PRTG: variants seen among roughly 807,000 people sequenced by gnomAD.
The protein encoded by PRTG is immunoglobulin superfamily, DCC subclass, member 5.
A neutral mutation model predicts 122.5 loss-of-function variants in PRTG; 67 were observed. The observed-to-expected ratio is 0.55, with a 90% CI of 0.45 to 0.67. The LOEUF is 0.67. Ranked by LOEUF, PRTG falls within the 30% of genes least tolerant of loss-of-function variation. The pLI is 0.00. For missense variants in PRTG, 1,435 were observed against 1,415.4 expected (o/e 1.01, Z -0.22); for synonymous variants, 554 against 501.1 (o/e 1.11, Z -1.41).
chr15:55,637,053 T>A (rs1195562455), intron 15 of PRTG, 117 bp downstream of exon 15: 1 of 904,804 alleles, frequency 1.1e-6, no homozygotes, highest in African/African-American at 1.7e-5. Flanking sequence ...CAAAATCTTT[T>A]ATTACTTCAT....
chr15:55,650,844 A>G (rs1191848077), intron 11 of PRTG, among the ~76,000 whole-genome samples: 2 of 152,084 alleles, frequency 1.3e-5, no homozygotes, highest in African/African-American at 4.8e-5. Flanking sequence ...GTGCATTCCT[A>G]TAGTCCCAGC....
At position 55,688,915 on chromosome 15, in the gene PRTG, T is replaced by C. The variant is rs2059585346; in HGVS notation, c.398-4984A>G. 2.0e-5 allele frequency among the ~76,000 whole-genome samples: 3 copies of C among 152,214 alleles called. No individual in the cohort carries two copies. In the South Asian group the frequency reaches 6.2e-4, roughly 32 times the overall value. On this transcript the variant is annotated intron_variant, in intron 2 of 19. Transcript: ENST00000389286. ...TGATCTTCTTTCTTCCAAAGCTGTA[T>C]CTCTGCTTCATCTTTGTCACACCAC... is the stretch of plus-strand genomic sequence containing the variant.
rs199771190 is a variant in PRTG at position 55,735,810 on chromosome 15, TCTAGGGCAAAGTGAGAAAAA to T, written c.397+4552_397+4571del. Among the ~76,000 whole-genome samples, 62 of 150,150 alleles carry T rather than the reference TCTAGGGCAAAGTGAGAAAAA, an allele frequency of 4.1e-4. 1 individual carries two copies. In the East Asian group the frequency reaches 9.2e-3, roughly 22 times the overall value. On this transcript the variant is annotated intron_variant, in intron 2 of 19. Coordinates refer to ENST00000389286, the MANE Select transcript of PRTG (RefSeq NM_173814.6). ...GAAAATGAGAAATGATCCTCACTAA[TCTAGGGCAAAGTGAGAAAAA>T]CTGGTTCCATTACCCAGAGATTATC...
rs1299546778 is a variant in PRTG, at chr15:55,620,020, TG to T, written c.3444del (p.Asn1149ThrfsTer53). On this transcript the variant is annotated frameshift_variant, in exon 20 of 20. Coordinates refer to ENST00000389286, the MANE Select transcript of PRTG (RefSeq NM_173814.6). LOFTEE classifies it high-confidence loss of function. ...CACTGCCAGTGAAAGAATCAGAGGT[TG>T]GGGGGTGTGGTACTTATAACTGAGG... ...HLSSVISTTP[P>X]NL The T allele has an allele frequency of 2.7e-5, 43 of 1,613,908 alleles. No individual in the cohort carries two copies. The Admixed American group carries it at 7.0e-4, about 26-fold the overall frequency.
chr15:55,676,013 A>G (rs963448351), intron 8 of PRTG, among the ~76,000 whole-genome samples: 3 of 152,208 alleles, frequency 2.0e-5, no homozygotes, highest in African/African-American at 4.8e-5. Context: ...ATTGTAATTC[A>G]TAACAGTGTA....
intron 2 of PRTG, among the ~76,000 whole-genome samples, chr15:55,705,799 C>T (rs1463956342): frequency 2.0e-5 from 3 of 151,882 alleles, no homozygotes; most frequent in African/African-American, 7.3e-5. Flanking sequence ...CAACATTCCA[C>T]ACCACTCTCC....
intron 17 of PRTG, among the ~76,000 whole-genome samples, chr15:55,626,338 G>C (rs2059194545): frequency 6.6e-6 from 1 of 151,918 alleles, no homozygotes. Flanking sequence ...GAACCCAAAA[G>C]GTGAAGGTTG....
chr15:55,629,039 T>A (rs753412984), intron 15 of PRTG, 35 bp from the exon 16 acceptor site: 89 of 1,431,932 alleles, frequency 6.2e-5, no homozygotes, highest in Non-Finnish European at 8.3e-5. Flanking sequence ...AAGTGAACAT[T>A]TATCTTTTAT....
intron 2 of PRTG, among the ~76,000 whole-genome samples, chr15:55,684,561 A>C (rs1336433771): frequency 1.3e-5 from 2 of 152,224 alleles, no homozygotes; most frequent in African/African-American, 4.8e-5. Flanking sequence ...AAATTAAGGC[A>C]TCAATTAAGA....
intron 15 of PRTG, among the ~76,000 whole-genome samples, chr15:55,632,370 C>G (rs1595605943): frequency 6.6e-6 from 1 of 152,154 alleles, no homozygotes; most frequent in East Asian, 1.9e-4. Context: ...ACATGGACAC[C>G]TGCCTATGAA....
chr15:55,638,682 A>G lies in PRTG; in HGVS notation c.2325-6T>C, dbSNP rs1244085721. The G allele has an allele frequency of 6.2e-7, 1 of 1,608,974 alleles. No homozygotes were observed. The highest frequency in any genetic ancestry group is 1.3e-5 in the African/African-American group (1 of 74,566). On this transcript the variant is annotated splice_region_variant and splice_polypyrimidine_tract_variant and intron_variant, in intron 13 of 19. Transcript: ENST00000389286. ...CCAACATGTGAGTTTCTGATCTATA[A>G]TAACGAGTGATGAAGTTGTTAATGC...
rs573699654 is a variant in PRTG at position 55,735,859 on chromosome 15, C to T, written c.397+4523G>A. On this transcript the variant is annotated intron_variant, in intron 2 of 19. Coordinates refer to ENST00000389286, the MANE Select transcript of PRTG (RefSeq NM_173814.6). Reference sequence around the variant, plus strand: ...GTTCCATTACCCAGAGATTATCAGGCACCTGATAAACAGACTTTAAGTAGA... The same window carrying T: ...GTTCCATTACCCAGAGATTATCAGGTACCTGATAAACAGACTTTAAGTAGA... 5.7e-4 allele frequency among the ~76,000 whole-genome samples: 86 copies of T among 152,030 alleles called. No individual in the cohort carries two copies. In the Middle Eastern group the frequency reaches 0.014, roughly 24 times the overall value.
chr15:55,675,482 G>C, intron 9 of PRTG, 37 bp downstream of exon 9: 1 of 1,433,758 alleles, frequency 7.0e-7, no homozygotes, highest in South Asian at 1.3e-5. Flanking sequence ...ACATACGAAT[G>C]TTCATACTGA....
At chr15:55,737,170 A>C (rs1268703421) in intron 2 of PRTG, among the ~76,000 whole-genome samples, 1 of 152,218 alleles carries the variant, frequency 6.6e-6, no homozygotes, top group Non-Finnish European at 1.5e-5. Flanking sequence ...ATTTATAGGA[A>C]ATGGTTTAAT....
chr15:55,711,877 T>C (rs375975634), intron 2 of PRTG, among the ~76,000 whole-genome samples: 1 of 152,174 alleles, frequency 6.6e-6, no homozygotes, highest in Non-Finnish European at 1.5e-5. Context: ...CTCTCTTCTG[T>C]TCTCAGGATA....
intron 11 of PRTG, among the ~76,000 whole-genome samples, chr15:55,660,331 A>AGTTTCTTTCATGTGCTAATGG (rs1406163757): frequency 2.6e-5 from 4 of 152,138 alleles, no homozygotes; most frequent in Non-Finnish European, 5.9e-5. Flanking sequence ...TCCACCCTGA[A>AGTTTCTTTCATGTGCTAATGG]GTTTCTTTCA....
At chr15:55,667,634 T>G (rs1431146089) in intron 11 of PRTG, among the ~76,000 whole-genome samples, 1 of 152,190 alleles carries the variant, frequency 6.6e-6, no homozygotes, top group Non-Finnish European at 1.5e-5. Context: ...GTGAAGAAAG[T>G]GAAATACGAT....
At chr15:55,673,323 T>A (rs28556884) in intron 10 of PRTG, 48 bp downstream of exon 10, 3 of 1,346,790 alleles carry the variant, frequency 2.2e-6, no homozygotes, top group South Asian at 3.0e-5. Context: ...AAAAACTTGA[T>A]TCAAAAGTAA....
At chr15:55,677,199 A>G (rs533971057) in intron 8 of PRTG, among the ~76,000 whole-genome samples, 4 of 152,314 alleles carry the variant, frequency 2.6e-5, no homozygotes, top group African/African-American at 7.2e-5. Context: ...AGAACCAATA[A>G]TTCTGAACAA....
Sources: gnomAD v4.1 joint callset for allele counts (sites outside exome capture counted in the v4.1 genomes callset) on GRCh38, gnomAD v4.1.1 for gene constraint, MANE v1.5 for transcripts, NCBI Gene and HGNC (gene_info 2026-07-23, HGNC 2026-07-21) for gene names.